The following ZC3HAV1 variants were observed in gnomAD, a reference collection of about 807,000 sequenced individuals.
ZC3HAV1 encodes zinc finger CCCH-type containing, antiviral 1.
Under a neutral mutation model 86.6 loss-of-function variants are expected in ZC3HAV1, and 41 were observed. The observed-to-expected ratio is 0.47, with a 90% CI of 0.37 to 0.61. The LOEUF is 0.61. Among genes scored for constraint, ZC3HAV1 ranks in the 20% least tolerant of loss-of-function variants. The pLI, the probability that ZC3HAV1 is intolerant of heterozygous loss-of-function variation, is 0.00. For synonymous variants in ZC3HAV1, 421 were observed against 432.1 expected, an observed-to-expected ratio of 0.97 and a Z score of 0.32; for missense variants, 964 against 1,141.1, an observed-to-expected ratio of 0.84 and a Z score of 2.24.
chr7:139,057,287 GT>G (rs1309553699), intron 9 of ZC3HAV1, among the ~76,000 whole-genome samples: 3 of 143,650 alleles, frequency 2.1e-5, no homozygotes, highest in Non-Finnish European at 4.6e-5. Flanking sequence ...GAATCCAGGT[GT>G]TTGAGGCTGC....
intron 8 of ZC3HAV1, among the ~76,000 whole-genome samples, chr7:139,063,723 CAAAAAAAAAAAA>C (rs57944873): frequency 6.8e-5 from 5 of 73,954 alleles, no homozygotes; most frequent in Admixed American, 2.7e-4. Flanking sequence ...GACCCTGTCT[CAAAAAAAAAAAA>C]AAAAAAAAAA....
chr7:139,058,615 G>A (rs1039482131), intron 9 of ZC3HAV1, among the ~76,000 whole-genome samples: 8 of 152,172 alleles, frequency 5.3e-5, no homozygotes, highest in East Asian at 1.9e-4. Context: ...AGGGAATCTC[G>A]AGTGTTGGAG....
chr7:139,098,014 G>A (rs193046455), intron 1 of ZC3HAV1, among the ~76,000 whole-genome samples: 25 of 151,816 alleles, frequency 1.6e-4, no homozygotes, highest in Admixed American at 1.2e-3. Flanking sequence ...GTGCAATCTC[G>A]ACTTACTGCA....
intron 1 of ZC3HAV1, among the ~76,000 whole-genome samples, chr7:139,105,908 C>T (rs998091625): frequency 6.0e-5 from 9 of 151,014 alleles, no homozygotes; most frequent in Non-Finnish European, 1.5e-5. Context: ...TTCTAGGACC[C>T]GAGGACAAAA....
intron 1 of ZC3HAV1, among the ~76,000 whole-genome samples, chr7:139,103,350 C>G (rs1817834981): frequency 6.6e-6 from 1 of 151,062 alleles, no homozygotes; most frequent in African/African-American, 2.4e-5. Context: ...ATCCTCTCAT[C>G]TTGGCCTCCC....
chr7:139,085,718 GCA>G (rs1292072808), intron 2 of ZC3HAV1, among the ~76,000 whole-genome samples: 2 of 152,056 alleles, frequency 1.3e-5, no homozygotes, highest in Non-Finnish European at 1.5e-5. Context: ...AATCAGCCAG[GCA>G]CAGTGGTTCA....
chr7:139,076,484 C>A, intron 5 of ZC3HAV1, 75 bp from the exon 6 acceptor site: 5 of 1,585,416 alleles, frequency 3.2e-6, no homozygotes, highest in Non-Finnish European at 4.3e-6. Flanking sequence ...TCACTGCCAG[C>A]TTTCCCCATC....
chr7:139,091,291 A>G (rs1817425911), intron 1 of ZC3HAV1, among the ~76,000 whole-genome samples: 1 of 152,142 alleles, frequency 6.6e-6, no homozygotes, highest in Admixed American at 6.5e-5. Context: ...CGAGGTCAGG[A>G]GATCGAGACG....
In ZC3HAV1 at chr7:139,053,994, C is replaced by T; in HGVS notation, c.2289G>A (p.Glu763=). ...TAAATTTATCCAGGAGCTCTGAGTT[C>T]TCGATCTTCTTTATCTTTTCAATCT... is the stretch of plus-strand genomic sequence containing the variant. ...NFKIEKIKKI[E]NSELLDKFTW... Residue 763 remains glutamate, a synonymous_variant, in exon 11 of 13, where the codon GAG becomes GAA. Coordinates refer to ENST00000242351, the MANE Select transcript of ZC3HAV1 (RefSeq NM_020119.4). 1 of 1,606,546 alleles carries T rather than the reference C, an allele frequency of 6.2e-7. No individual in the cohort carries two copies. Among genetic ancestry groups the T allele is most frequent in the Non-Finnish European group, 8.5e-7 (1 of 1,178,246 alleles).
chr7:139,070,479 A>C (rs910580243), intron 7 of ZC3HAV1, among the ~76,000 whole-genome samples: 1 of 151,580 alleles, frequency 6.6e-6, no homozygotes, highest in Admixed American at 6.6e-5. Context: ...CCTGGCTAAC[A>C]TGGTGAAACC....
intron 1 of ZC3HAV1, among the ~76,000 whole-genome samples, chr7:139,097,419 TATATATA>T (rs1201278397): frequency 3.6e-5 from 3 of 83,134 alleles, no homozygotes; most frequent in Middle Eastern, 4.7e-3. Flanking sequence ...TATATATATA[TATATATA>T]TATTTTTTTT....
intron 1 of ZC3HAV1, among the ~76,000 whole-genome samples, chr7:139,106,415 C>A (rs1817936979): frequency 6.6e-6 from 1 of 152,152 alleles, no homozygotes; most frequent in Non-Finnish European, 1.5e-5. Context: ...GAGTTCGAGA[C>A]CGGCCTGGCC....
At chr7:139,082,006 T>G (rs1817140194) in intron 3 of ZC3HAV1, among the ~76,000 whole-genome samples, 1 of 152,250 alleles carries the variant, frequency 6.6e-6, no homozygotes, top group Non-Finnish European at 1.5e-5. Flanking sequence ...GGCTTACGCC[T>G]GTAATCCCAG....
intron 1 of ZC3HAV1, among the ~76,000 whole-genome samples, chr7:139,101,525 A>G (rs1817771777): frequency 1.0e-5 from 1 of 99,602 alleles, no homozygotes; most frequent in Non-Finnish European, 2.0e-5. Flanking sequence ...CCAACAGCTC[A>G]TTGAGAACGG....
At chr7:139,080,307 C>T (rs1817091985) in intron 3 of ZC3HAV1, 64 bp from the exon 4 acceptor site, 1 of 1,583,040 alleles carries the variant, frequency 6.3e-7, no homozygotes, top group Non-Finnish European at 8.6e-7. Context: ...TGACTGAGTT[C>T]CTACCACCCT....
intron 7 of ZC3HAV1, among the ~76,000 whole-genome samples, chr7:139,067,418 T>G (rs971882976): frequency 6.6e-6 from 1 of 152,184 alleles, no homozygotes; most frequent in African/African-American, 2.4e-5. Flanking sequence ...CCCAAAGTGC[T>G]GGGATTGCAG....
intron 6 of ZC3HAV1, among the ~76,000 whole-genome samples, chr7:139,075,993 A>G (rs1816930112): frequency 6.6e-6 from 1 of 152,236 alleles, no homozygotes; most frequent in Non-Finnish European, 1.5e-5. Flanking sequence ...TGCAGGACAC[A>G]GACAACTGTC....
chr7:139,080,773 G>A lies in ZC3HAV1; in HGVS notation c.698-530C>T, dbSNP rs370497992. 3.9e-5 allele frequency among the ~76,000 whole-genome samples: 6 copies of A among 152,272 alleles called. No homozygotes were observed. The South Asian group carries it at 6.2e-4, about 16-fold the overall frequency. On this transcript the variant is annotated intron_variant, in intron 3 of 12. Coordinates refer to ENST00000242351, the MANE Select transcript of ZC3HAV1 (RefSeq NM_020119.4). ...CACTATCTCCTGGTCCTGAGTCAAC[G>A]TTCATCACTGGGGTCAATGGAGAGA...
chr7:139,091,116 C>CA (rs1817417613), intron 1 of ZC3HAV1, among the ~76,000 whole-genome samples: 1 of 152,202 alleles, frequency 6.6e-6, no homozygotes, highest in African/African-American at 2.4e-5. Context: ...CGCCAGCCCC[C>CA]ACCCAGAACC....
Sources: allele counts gnomAD v4.1 joint callset (sites outside exome capture counted in the v4.1 genomes callset), GRCh38; gene constraint gnomAD v4.1.1; transcripts MANE v1.5; gene names NCBI Gene and HGNC (gene_info 2026-07-23, HGNC 2026-07-21).